The following KCNT2 variants were observed in gnomAD, a reference collection of about 807,000 sequenced individuals.
KCNT2 encodes potassium channel subfamily T member 2.
KCNT2 carries 67 observed loss-of-function variants against 153.8 expected under a neutral mutation model. The ratio of observed to expected loss-of-function variants is 0.44; its 90% CI spans 0.36 to 0.53. The LOEUF (loss-of-function observed/expected upper bound fraction) is 0.53. Among genes scored for constraint, KCNT2 ranks in the 20% least tolerant of loss-of-function variants. The pLI, the probability that KCNT2 is intolerant of heterozygous loss-of-function variation, is 0.00. For synonymous variants in KCNT2, 500 were observed against 458.8 expected (o/e 1.09, Z -1.15); for missense variants, 975 against 1,354.8 (o/e 0.72, Z 4.40).
chr1:196,374,890 A>T (rs529611519), intron 13 of KCNT2, among the ~76,000 whole-genome samples: 1 of 151,940 alleles, frequency 6.6e-6, no homozygotes, highest in Admixed American at 6.6e-5. Flanking sequence ...ACCACATAGA[A>T]TTGTTAAAAT....
intron 8 of KCNT2, among the ~76,000 whole-genome samples, chr1:196,442,244 C>T (rs1675297938): frequency 6.6e-6 from 1 of 151,736 alleles, no homozygotes; most frequent in Non-Finnish European, 1.5e-5. Flanking sequence ...ATCACTTTAC[C>T]TTTCTACTAA....
chr1:196,534,354 C>T (rs1655292953), intron 1 of KCNT2, among the ~76,000 whole-genome samples: 1 of 152,076 alleles, frequency 6.6e-6, no homozygotes. Context: ...ACACAATGGG[C>T]CAGGTGCATT....
intron 1 of KCNT2, among the ~76,000 whole-genome samples, chr1:196,585,569 A>G (rs1662576569): frequency 6.6e-6 from 1 of 151,568 alleles, no homozygotes; most frequent in Admixed American, 6.6e-5. Context: ...TAACTGAGCT[A>G]TTTATTACAG....
At chr1:196,348,886 C>T (rs1666369158) in intron 14 of KCNT2, among the ~76,000 whole-genome samples, 3 of 151,224 alleles carry the variant, frequency 2.0e-5, no homozygotes, top group Admixed American at 6.6e-5. Flanking sequence ...CAAAACAAAA[C>T]AAAAAAAATG....
intron 2 of KCNT2, among the ~76,000 whole-genome samples, chr1:196,490,765 T>TAG (rs2148729373): frequency 6.6e-6 from 1 of 152,000 alleles, no homozygotes; most frequent in African/African-American, 2.4e-5. Context: ...ACAATATGCA[T>TAG]AAAGTCTGAT....
intron 13 of KCNT2, 118 bp from the exon 14 acceptor site, chr1:196,373,366 G>A (rs556004146): frequency 1.3e-5 from 8 of 604,566 alleles, no homozygotes; most frequent in Non-Finnish European, 2.4e-5. Context: ...ACTTGTTTTA[G>A]AGATGTTTTT....
intron 15 of KCNT2, among the ~76,000 whole-genome samples, chr1:196,341,704 A>T (rs1665653080): frequency 6.6e-6 from 1 of 151,114 alleles, no homozygotes; most frequent in South Asian, 2.1e-4. Context: ...ACCATCAGAG[A>T]TTTTTTTTTC....
chr1:196,286,310 T>A (rs572312857), intron 22 of KCNT2, among the ~76,000 whole-genome samples: 143 of 152,166 alleles, frequency 9.4e-4, no homozygotes, highest in Non-Finnish European at 7.6e-4. Flanking sequence ...GCAATTGCCT[T>A]TTTAAAAAAG....
At chr1:196,291,400 A>G (rs148878442) in intron 22 of KCNT2, among the ~76,000 whole-genome samples, 25 of 152,122 alleles carry the variant, frequency 1.6e-4, no homozygotes, top group African/African-American at 6.0e-4. Context: ...AAAGTTATGT[A>G]AAAAGTAAGA....
chr1:196,249,376 G>T (rs1384816413), intron 26 of KCNT2, among the ~76,000 whole-genome samples: 1 of 152,182 alleles, frequency 6.6e-6, no homozygotes, highest in East Asian at 1.9e-4. Flanking sequence ...ATCCTTGTTT[G>T]CAGATGATAT....
chr1:196,452,992 C>T (rs1557954388), intron 8 of KCNT2, among the ~76,000 whole-genome samples: 1 of 151,928 alleles, frequency 6.6e-6, no homozygotes, highest in East Asian at 1.9e-4. Flanking sequence ...AACCCTGTCG[C>T]CCAGTGAGGC....
At chr1:196,556,789 T>C (rs778643316) in intron 1 of KCNT2, among the ~76,000 whole-genome samples, 10 of 151,484 alleles carry the variant, frequency 6.6e-5, no homozygotes, top group Non-Finnish European at 1.2e-4. Context: ...AACAGAGTAC[T>C]ATTTAACCAT....
At chr1:196,432,623 G>A (rs748716166) in intron 8 of KCNT2, among the ~76,000 whole-genome samples, 21 of 151,982 alleles carry the variant, frequency 1.4e-4, no homozygotes, top group African/African-American at 5.1e-4. Flanking sequence ...ATTTCTTCTT[G>A]CCTATTTCTC....
At chr1:196,308,032 TA>T (rs1278516152) in intron 21 of KCNT2, among the ~76,000 whole-genome samples, 29 of 151,812 alleles carry the variant, frequency 1.9e-4, no homozygotes, top group African/African-American at 6.8e-4. Flanking sequence ...AAATGAAAAA[TA>T]GGACAAAAAT....
intron 1 of KCNT2, among the ~76,000 whole-genome samples, chr1:196,567,364 T>TCCTCC (rs1378789614): frequency 6.6e-6 from 1 of 152,138 alleles, no homozygotes; most frequent in Non-Finnish European, 1.5e-5. Flanking sequence ...AAATGTCCAC[T>TCCTCC]CCTCCCTGAA....
At chr1:196,390,486 G>A (rs545043712) in intron 13 of KCNT2, among the ~76,000 whole-genome samples, 8 of 151,474 alleles carry the variant, frequency 5.3e-5, no homozygotes, top group South Asian at 2.1e-4. Flanking sequence ...AATGTTTTAC[G>A]TATATGTTCT....
At chr1:196,320,084 T>C (rs1663139236) in intron 19 of KCNT2, among the ~76,000 whole-genome samples, 1 of 151,716 alleles carries the variant, frequency 6.6e-6, no homozygotes, top group Admixed American at 6.6e-5. Context: ...TCATGCAAAA[T>C]ATGTATTATA....
intron 1 of KCNT2, among the ~76,000 whole-genome samples, chr1:196,515,435 T>C (rs1430514865): frequency 6.6e-6 from 1 of 151,206 alleles, no homozygotes; most frequent in African/African-American, 2.5e-5. Flanking sequence ...AATATGCATA[T>C]TTCATTTGTA....
At chr1:196,334,183 T>G in intron 16 of KCNT2, 123 bp from the exon 17 acceptor site, 1 of 618,848 alleles carries the variant, frequency 1.6e-6, no homozygotes, top group Non-Finnish European at 2.8e-6. Flanking sequence ...GAGTATATAT[T>G]TATGCGTGTG....
Sources: allele counts gnomAD v4.1 joint callset (sites outside exome capture counted in the v4.1 genomes callset), GRCh38; gene constraint gnomAD v4.1.1; transcripts MANE v1.5; gene names NCBI Gene and HGNC (gene_info 2026-07-23, HGNC 2026-07-21).